CORIN: variants seen among roughly 807,000 people sequenced by gnomAD.
CORIN encodes atrial natriuretic peptide-converting enzyme.
Under a neutral mutation model 125.3 loss-of-function variants are expected in CORIN, and 117 were observed. The ratio of observed to expected loss-of-function variants is 0.93; its 90% CI spans 0.80 to 1.09. The LOEUF (loss-of-function observed/expected upper bound fraction) is 1.09, where lower values mean the gene tolerates loss of function less well. Ranked by LOEUF, CORIN falls within the 50% of genes least tolerant of loss-of-function variation. CORIN has a pLI of 0.00. For missense variants in CORIN, 1,253 were observed against 1,306.7 expected (o/e 0.96, Z 0.63); for synonymous variants, 450 against 466.4 (o/e 0.96, Z 0.45).
At chr4:47,637,311 A>G (rs767687039) in intron 16 of CORIN, among the ~76,000 whole-genome samples, 18 of 152,232 alleles carry the variant, frequency 1.2e-4, no homozygotes, top group Non-Finnish European at 2.6e-4. Context: ...AATGCAATAG[A>G]AAAGAAAATA....
At chr4:47,642,283 A>G (rs1723263160) in intron 15 of CORIN, among the ~76,000 whole-genome samples, 1 of 152,250 alleles carries the variant, frequency 6.6e-6, no homozygotes, top group Non-Finnish European at 1.5e-5. Context: ...CTAATGAAAG[A>G]GACAGGCAGT....
intron 16 of CORIN, among the ~76,000 whole-genome samples, chr4:47,636,855 G>C (rs1276522761): frequency 6.6e-6 from 1 of 152,194 alleles, no homozygotes; most frequent in Non-Finnish European, 1.5e-5. Context: ...GCAGAGTGGG[G>C]TGCTGCTGTA....
intron 19 of CORIN, among the ~76,000 whole-genome samples, chr4:47,614,320 A>C (rs1424603192): frequency 6.6e-6 from 1 of 151,970 alleles, no homozygotes; most frequent in East Asian, 1.9e-4. Context: ...CTCAGCCTCC[A>C]GAGTAGCTGG....
At position 47,786,861 on chromosome 4, in the gene CORIN, G is replaced by C; in HGVS notation, c.273C>G (p.Ile91Met). ...TTGTAAGAATAACATCGGACCCTTG[G>C]ATTTCACCATCAGTGACCAAAGGTT... is the stretch of plus-strand genomic sequence containing the variant. ...GSEPLVTDGE[I>M]QGSDVILTNT... The change falls in exon 3 of 22, where the codon ATC becomes ATG. Residue 91 changes from isoleucine (I) to methionine (M), a missense_variant. Ile to Met is a conservative substitution (Grantham distance 10). Coordinates refer to ENST00000273857, the MANE Select transcript of CORIN (RefSeq NM_006587.4). 2.5e-6 allele frequency: 4 copies of C among 1,613,828 alleles called. No homozygotes were observed. The highest frequency in any genetic ancestry group is 3.4e-6 in the Non-Finnish European group (4 of 1,179,814).
At chr4:47,733,418 G>A (rs17601656) in intron 5 of CORIN, among the ~76,000 whole-genome samples, 13,871 of 152,218 alleles carry the variant, frequency 0.091, 774 homozygotes, top group East Asian at 0.27. Context: ...TTCGGACTAT[G>A]TGTTTTACCA....
chr4:47,669,545 T>C (rs1724643459), intron 10 of CORIN, among the ~76,000 whole-genome samples: 1 of 150,212 alleles, frequency 6.7e-6, no homozygotes. Flanking sequence ...TCTCACTTCC[T>C]TGCTCTTCTA....
At chr4:47,765,704 T>C (rs1267127640) in intron 3 of CORIN, among the ~76,000 whole-genome samples, 1 of 152,226 alleles carries the variant, frequency 6.6e-6, no homozygotes, top group East Asian at 1.9e-4. Context: ...TTTTTGCTAA[T>C]CTGATAGGTG....
At chr4:47,787,064 A>G in intron 2 of CORIN, 139 bp from the exon 3 acceptor site, 2 of 660,994 alleles carry the variant, frequency 3.0e-6, no homozygotes, top group Non-Finnish European at 5.1e-6. Context: ...ACGAAGATGA[A>G]AGCCGTAATA....
intron 2 of CORIN, chr4:47,790,308 G>A (rs925000855): frequency 6.6e-5 from 26 of 396,900 alleles, no homozygotes; most frequent in East Asian, 1.6e-4. Flanking sequence ...TGGGAGGAGC[G>A]TGCACTGGGG....
intron 4 of CORIN, among the ~76,000 whole-genome samples, chr4:47,760,492 G>A (rs7661094): frequency 5.9e-5 from 9 of 152,122 alleles, no homozygotes; most frequent in African/African-American, 2.2e-4. Context: ...ATTGGATCTC[G>A]ATTCCATTCC....
intron 16 of CORIN, among the ~76,000 whole-genome samples, chr4:47,629,087 G>A (rs542230982): frequency 9.2e-5 from 14 of 152,210 alleles, no homozygotes; most frequent in Non-Finnish European, 1.8e-4. Flanking sequence ...ATGGTAGGTA[G>A]TTCTATTTTA....
At chr4:47,617,327 A>C (rs1314674026) in intron 19 of CORIN, among the ~76,000 whole-genome samples, 1 of 152,232 alleles carries the variant, frequency 6.6e-6, no homozygotes, top group Non-Finnish European at 1.5e-5. Flanking sequence ...TGCAGATGCA[A>C]CATACATGAC....
At chr4:47,763,688 A>T in intron 3 of CORIN, 102 bp from the exon 4 acceptor site, 2 of 1,027,902 alleles carry the variant, frequency 1.9e-6, no homozygotes, top group African/African-American at 1.6e-5. Flanking sequence ...ACTTATCACA[A>T]GAAAAAATTT....
chr4:47,646,988 G>A (rs372350115), intron 13 of CORIN, among the ~76,000 whole-genome samples: 1 of 152,146 alleles, frequency 6.6e-6, no homozygotes, highest in Non-Finnish European at 1.5e-5. Flanking sequence ...GCTAAAATTA[G>A]ATTTAGTGTG....
intron 17 of CORIN, 24 bp from the exon 18 acceptor site, chr4:47,623,972 T>C (rs1160653233): frequency 3.8e-6 from 6 of 1,599,414 alleles, no homozygotes; most frequent in South Asian, 1.1e-5. Context: ...CATAAAATGG[T>C]ATAACATTAA....
chr4:47,836,488 T>C (rs912774361), intron 1 of CORIN, among the ~76,000 whole-genome samples: 1 of 152,202 alleles, frequency 6.6e-6, no homozygotes, highest in Non-Finnish European at 1.5e-5. Context: ...CTTTGCAGAG[T>C]TTCGCTTCCA....
At chr4:47,720,983 G>A (rs964032342) in intron 5 of CORIN, among the ~76,000 whole-genome samples, 18 of 152,192 alleles carry the variant, frequency 1.2e-4, no homozygotes, top group Non-Finnish European at 2.4e-4. Context: ...AAAATGGGAA[G>A]TGCCTCAGTC....
At chr4:47,605,871 G>A (rs1721628685) in intron 19 of CORIN, among the ~76,000 whole-genome samples, 1 of 152,106 alleles carries the variant, frequency 6.6e-6, no homozygotes, top group South Asian at 2.1e-4. Flanking sequence ...TCGAAAGGCT[G>A]AGATTTCAAG....
chr4:47,642,765 G>A lies in CORIN; in HGVS notation c.2068+381C>T. 4.1e-6 allele frequency: 5 copies of A among 1,206,136 alleles called. No individual in the cohort carries two copies. The East Asian group carries it at 1.3e-4, about 31-fold the overall frequency. 74.7% of individuals were successfully genotyped at this position (1,206,136 alleles called of 1,614,324 possible). A position where few individuals can be genotyped will look rare whatever the true frequency, so the allele number is the denominator to read the frequency against. On this transcript the variant is annotated intron_variant, in intron 15 of 21. Coordinates refer to ENST00000273857, the MANE Select transcript of CORIN (RefSeq NM_006587.4). ...GAAGTCTTGGACCTGAAGAGTGTAGGGAAGGCAGAGGGGCCACTTGACTAT... is the reference window on the plus strand; with the variant it reads ...GAAGTCTTGGACCTGAAGAGTGTAGAGAAGGCAGAGGGGCCACTTGACTAT...
Sources: allele counts gnomAD v4.1 joint callset (sites outside exome capture counted in the v4.1 genomes callset), GRCh38; gene constraint gnomAD v4.1.1; transcripts MANE v1.5; gene names NCBI Gene and HGNC (gene_info 2026-07-23, HGNC 2026-07-21).